The following CDH12 variants were observed in gnomAD, a reference collection of about 807,000 sequenced individuals.
The protein encoded by CDH12 is cadherin 12.
In CDH12, 41 loss-of-function variants were observed where a neutral mutation model predicts 74.1. The ratio of observed to expected loss-of-function variants is 0.55; its 90% CI spans 0.43 to 0.72. The LOEUF (loss-of-function observed/expected upper bound fraction) is 0.72, where lower values mean the gene tolerates loss of function less well. Among genes scored for constraint, CDH12 ranks in the 30% least tolerant of loss-of-function variants. The probability of loss-of-function intolerance (pLI) is 0.00; values close to 1 mark genes in which losing one functional copy is unlikely to be tolerated. For missense variants in CDH12, 945 were observed against 977.2 expected, an observed-to-expected ratio of 0.97 and a Z score of 0.44; for synonymous variants, 399 against 355.0, an observed-to-expected ratio of 1.12 and a Z score of -1.39.
At chr5:22,390,727 A>G (rs1742212348) in intron 3 of CDH12, among the ~76,000 whole-genome samples, 1 of 152,194 alleles carries the variant, frequency 6.6e-6, no homozygotes, top group South Asian at 2.1e-4. Context: ...AGTGGGAAAG[A>G]CAAAATTGTG....
intron 1 of CDH12, among the ~76,000 whole-genome samples, chr5:22,785,513 G>T (rs911934541): frequency 7.9e-5 from 12 of 151,846 alleles, no homozygotes; most frequent in Non-Finnish European, 2.9e-5. Flanking sequence ...TGTTGTTGGT[G>T]GTTTTTTGTT....
At chr5:22,357,669 G>C (rs1481308563) in intron 3 of CDH12, among the ~76,000 whole-genome samples, 1 of 152,072 alleles carries the variant, frequency 6.6e-6, no homozygotes, top group African/African-American at 2.4e-5. Flanking sequence ...GGATATATAA[G>C]TCAGTGAGTA....
At chr5:21,942,801 T>C (rs1383435172) in intron 6 of CDH12, among the ~76,000 whole-genome samples, 1 of 152,166 alleles carries the variant, frequency 6.6e-6, no homozygotes, top group Non-Finnish European at 1.5e-5. Context: ...AGTGGCAATA[T>C]ATAATCCCCC....
In CDH12 at chr5:21,841,958, T is replaced by C. The variant is rs1251845778; in HGVS notation, c.814+203A>G. ...CACCAGCATGGCACATGTATACATA[T>C]GTAACTAACCTGCACATTCTGCACA... On this transcript the variant is annotated intron_variant, in intron 8 of 14. Transcript: ENST00000382254. Among the ~76,000 whole-genome samples, 3 of 151,132 alleles carry C rather than the reference T, an allele frequency of 2.0e-5. No homozygotes were observed. The East Asian group carries it at 5.9e-4, about 30-fold the overall frequency.
chr5:22,655,522 C>A (rs1739986926), intron 1 of CDH12, among the ~76,000 whole-genome samples: 1 of 152,192 alleles, frequency 6.6e-6, no homozygotes, highest in Non-Finnish European at 1.5e-5. Context: ...TACAAGCAAG[C>A]AAGATCCATT....
At chr5:22,626,142 C>A (rs1296563006) in intron 1 of CDH12, among the ~76,000 whole-genome samples, 1 of 152,150 alleles carries the variant, frequency 6.6e-6, no homozygotes, top group Non-Finnish European at 1.5e-5. Flanking sequence ...CACCCTACCC[C>A]CCCCAACATG....
chr5:22,766,438 A>G (rs1327443415), intron 1 of CDH12, among the ~76,000 whole-genome samples: 2 of 152,132 alleles, frequency 1.3e-5, no homozygotes, highest in Non-Finnish European at 2.9e-5. Flanking sequence ...GCATTTATCA[A>G]TAAGGGTAAA....
At chr5:22,221,170 A>C (rs1252333677) in intron 3 of CDH12, among the ~76,000 whole-genome samples, 1 of 151,958 alleles carries the variant, frequency 6.6e-6, no homozygotes, top group Non-Finnish European at 1.5e-5. Flanking sequence ...AGAAATAGAC[A>C]AAAGGATTAT....
At chr5:22,097,552 T>A (rs918471332) in intron 4 of CDH12, among the ~76,000 whole-genome samples, 2 of 152,134 alleles carry the variant, frequency 1.3e-5, no homozygotes. Context: ...AATACTCTTT[T>A]AAGCGCTCCT....
intron 4 of CDH12, among the ~76,000 whole-genome samples, chr5:22,150,288 G>A (rs1747480696): frequency 6.6e-6 from 1 of 151,742 alleles, no homozygotes; most frequent in Non-Finnish European, 1.5e-5. Context: ...GTTAATATTT[G>A]CTACATATTT....
intron 6 of CDH12, among the ~76,000 whole-genome samples, chr5:21,968,437 T>C (rs1465001510): frequency 6.6e-6 from 1 of 152,148 alleles, no homozygotes; most frequent in African/African-American, 2.4e-5. Flanking sequence ...TCTTAACAAG[T>C]TCAACATCCA....
At chr5:22,108,508 G>A (rs183745218) in intron 4 of CDH12, among the ~76,000 whole-genome samples, 43 of 152,380 alleles carry the variant, frequency 2.8e-4, no homozygotes, top group East Asian at 1.2e-3. Context: ...TTTTAGACAC[G>A]TGAAGGCGTG....
At chr5:22,319,882 G>A (rs72744810) in intron 3 of CDH12, among the ~76,000 whole-genome samples, 11,888 of 151,512 alleles carry the variant, frequency 0.078, 647 homozygotes, top group South Asian at 0.16. Context: ...GAGAGGAGAA[G>A]GAAGAATAAA....
In CDH12 at chr5:21,813,476, A is replaced by G. The variant is rs575503574; in HGVS notation, c.1002+3469T>C. On this transcript the variant is annotated intron_variant, in intron 9 of 14. Coordinates refer to ENST00000382254, the MANE Select transcript of CDH12 (RefSeq NM_004061.5). ...GCCTGGGCAACAAGAGCAAAACTCC[A>G]TATCAAAATAAATAAATAAATAAAA... is the stretch of plus-strand genomic sequence containing the variant. 2.6e-5 allele frequency among the ~76,000 whole-genome samples: 4 copies of G among 152,184 alleles called. No individual in the cohort carries two copies. In the East Asian group the frequency reaches 7.7e-4, roughly 29 times the overall value.
At chr5:21,943,626 A>T (rs1755439663) in intron 6 of CDH12, among the ~76,000 whole-genome samples, 1 of 152,236 alleles carries the variant, frequency 6.6e-6, no homozygotes, top group Non-Finnish European at 1.5e-5. Context: ...AGAATGGATT[A>T]TACTTAAACC....
intron 14 of CDH12, among the ~76,000 whole-genome samples, 172 bp from the exon 15 acceptor site, chr5:21,752,408 A>G (rs1395790320): frequency 1.3e-5 from 2 of 152,218 alleles, no homozygotes; most frequent in Non-Finnish European, 2.9e-5. Flanking sequence ...AAATTTTGAA[A>G]TTGTTAACTA....
At chr5:22,826,130 G>C (rs898263089) in intron 1 of CDH12, among the ~76,000 whole-genome samples, 1 of 152,060 alleles carries the variant, frequency 6.6e-6, no homozygotes, top group African/African-American at 2.4e-5. Context: ...ATGTATTGTG[G>C]GACAGACATG....
intron 1 of CDH12, among the ~76,000 whole-genome samples, chr5:22,514,795 G>A (rs1055144955): frequency 4.6e-5 from 7 of 152,214 alleles, no homozygotes; most frequent in African/African-American, 7.2e-5. Context: ...TCAAGGTTGA[G>A]TCTTAAATCA....
chr5:22,295,422 A>C (rs2150415975), intron 3 of CDH12, among the ~76,000 whole-genome samples: 1 of 152,292 alleles, frequency 6.6e-6, no homozygotes, highest in Middle Eastern at 3.4e-3. Flanking sequence ...TTTGAATCTA[A>C]ATTGCTATAA....
Sources: gnomAD v4.1 joint callset for allele counts (sites outside exome capture counted in the v4.1 genomes callset) on GRCh38, gnomAD v4.1.1 for gene constraint, MANE v1.5 for transcripts, NCBI Gene and HGNC (gene_info 2026-07-23, HGNC 2026-07-21) for gene names.